UBXN4: variants seen among roughly 807,000 people sequenced by gnomAD.
UBXN4 encodes UBX domain-containing protein 4.
UBXN4 carries 35 observed loss-of-function variants against 66.2 expected under a neutral mutation model. The observed-to-expected ratio is 0.53, with a 90% CI of 0.40 to 0.70. UBXN4 has a LOEUF of 0.70. UBXN4 is among the 30% of genes least tolerant of loss of function. The pLI is 0.00. For missense variants in UBXN4, 533 were observed against 599.8 expected, an observed-to-expected ratio of 0.89 and a Z score of 1.16; for synonymous variants, 203 against 204.5, an observed-to-expected ratio of 0.99 and a Z score of 0.06.
chr2:135,748,361 T>C lies in UBXN4; in HGVS notation c.177T>C (p.Asp59=), dbSNP rs777035158. 2 of 1,585,960 alleles carry C rather than the reference T, an allele frequency of 1.3e-6. No individual in the cohort carries two copies. Among genetic ancestry groups the C allele is most frequent in the South Asian group, 1.2e-5 (1 of 83,830 alleles). ...ACAGTTTTGTTGCTATTAAAATCGA[T>C]ACCAAAAGGTTTGTTTATGTTTTAA... is the stretch of plus-strand genomic sequence containing the variant. ...SSNSFVAIKI[D]TKSEACLQFS... Residue 59 remains aspartate (D), a synonymous_variant, in exon 2 of 13, where the codon GAT becomes GAC. Coordinates refer to ENST00000272638, the MANE Select transcript of UBXN4 (RefSeq NM_014607.4).
chr2:135,767,178 C>T (rs1445961365), intron 6 of UBXN4, among the ~76,000 whole-genome samples: 1 of 152,084 alleles, frequency 6.6e-6, no homozygotes, highest in Non-Finnish European at 1.5e-5. Flanking sequence ...CTTGCCAACA[C>T]AGTGCAACCT....
chr2:135,747,680 G>T (rs1334256147), intron 1 of UBXN4: 1 of 456,220 alleles, frequency 2.2e-6, no homozygotes, highest in Non-Finnish European at 4.4e-6. Context: ...TGTCACCCAG[G>T]CTGGAGTGCA....
At chr2:135,773,613 A>AG (rs750273108) in intron 9 of UBXN4, among the ~76,000 whole-genome samples, 11 of 152,340 alleles carry the variant, frequency 7.2e-5, no homozygotes, top group Middle Eastern at 3.4e-3. Context: ...GACACATAGC[A>AG]GGGTAAGAAG....
chr2:135,779,652 C>CT (rs1410104311), intron 11 of UBXN4, among the ~76,000 whole-genome samples: 4 of 150,580 alleles, frequency 2.7e-5, no homozygotes, highest in African/African-American at 4.9e-5. Context: ...TTGTTTGAAC[C>CT]TTTTTTTTTA....
chr2:135,759,782 T>TC (rs2077304214), intron 5 of UBXN4, among the ~76,000 whole-genome samples: 1 of 146,062 alleles, frequency 6.8e-6, no homozygotes, highest in African/African-American at 2.5e-5. Context: ...TTTTTTTTTT[T>TC]TTTTTTGAGA....
Position 135,743,339 on chromosome 2 carries a change from C to T in UBXN4, c.82+1328C>T, listed in dbSNP as rs79325980. 4.7e-4 allele frequency among the ~76,000 whole-genome samples: 72 copies of T among 152,006 alleles called. 1 individual carries two copies. The East Asian group carries it at 0.013, about 28-fold the overall frequency. On this transcript the variant is annotated intron_variant, in intron 1 of 12. Coordinates refer to ENST00000272638, the MANE Select transcript of UBXN4 (RefSeq NM_014607.4). ...TTTACATAAATTAATTCTGTAATCC[C>T]GTAAGGAAAAAAATGGATTGAAAAT...
chr2:135,762,595 G>GTT (rs1179143780), intron 6 of UBXN4, among the ~76,000 whole-genome samples: 1 of 152,154 alleles, frequency 6.6e-6, no homozygotes, highest in African/African-American at 2.4e-5. Context: ...GGGAAACAGG[G>GTT]TTCAAAGTGA....
chr2:135,778,465 T>C (rs1390700432), intron 10 of UBXN4, among the ~76,000 whole-genome samples: 1 of 152,178 alleles, frequency 6.6e-6, no homozygotes, highest in Non-Finnish European at 1.5e-5. Context: ...GTGTGTATCA[T>C]GTAGGTTGAT....
chr2:135,771,668 T>C (rs994363711), intron 8 of UBXN4, among the ~76,000 whole-genome samples: 1 of 152,190 alleles, frequency 6.6e-6, no homozygotes, highest in Non-Finnish European at 1.5e-5. Flanking sequence ...GTTCAAGCAA[T>C]TCTCCTGTCC....
intron 6 of UBXN4, among the ~76,000 whole-genome samples, chr2:135,768,623 A>G (rs1180513118): frequency 7.0e-6 from 1 of 142,958 alleles, no homozygotes; most frequent in Admixed American, 7.0e-5. Flanking sequence ...GAGTACGGTG[A>G]CATGATCTCG....
intron 6 of UBXN4, among the ~76,000 whole-genome samples, chr2:135,762,956 T>A (rs1011040641): frequency 2.0e-5 from 3 of 152,184 alleles, no homozygotes; most frequent in Non-Finnish European, 2.9e-5. Context: ...AGGTAGCCCT[T>A]TATTTTGAGG....
chr2:135,768,934 T>C (rs982581504), intron 6 of UBXN4, among the ~76,000 whole-genome samples: 1 of 152,044 alleles, frequency 6.6e-6, no homozygotes, highest in East Asian at 1.9e-4. Flanking sequence ...ACTCCAGGGC[T>C]TAGGCTATCC....
chr2:135,748,396 A>C (rs1418702766), intron 2 of UBXN4, 27 bp downstream of exon 2: 1 of 1,454,304 alleles, frequency 6.9e-7, no homozygotes, highest in East Asian at 2.5e-5. Context: ...ATATTTTATT[A>C]ATTTTAAAAT....
chr2:135,774,407 A>G (rs1162215759), intron 9 of UBXN4, among the ~76,000 whole-genome samples: 1 of 152,220 alleles, frequency 6.6e-6, no homozygotes, highest in African/African-American at 2.4e-5. Flanking sequence ...TTCTTAGAGG[A>G]AAAAAGAGGA....
intron 12 of UBXN4, among the ~76,000 whole-genome samples, chr2:135,781,720 G>A (rs1480923752): frequency 6.6e-6 from 1 of 152,242 alleles, no homozygotes; most frequent in Non-Finnish European, 1.5e-5. Flanking sequence ...TGAGCAATGG[G>A]TGGGAGCATT....
Position 135,780,199 on chromosome 2 carries a change from C to T in UBXN4, c.1202C>T (p.Ala401Val). The part of the protein sequence containing the change: ...VVLLPAGRPT[A>V]SIVHSSSGDI... ...AATTTCTAGGCAGGAAGACCAACTG[C>T]ATCCATTGTACACTCTTCCAGCGGA... is the stretch of plus-strand genomic sequence containing the variant. Residue 401 changes from alanine to valine, a missense_variant, in exon 12 of 13, where the codon GCA becomes GTA. Ala to Val is a moderately conservative substitution (Grantham distance 64). Around this residue, in one of 2 missense-constraint regions of UBXN4, gnomAD observed 529 missense variants for 580.1 expected, o/e 0.91. Coordinates refer to ENST00000272638, the MANE Select transcript of UBXN4 (RefSeq NM_014607.4). 1 of 1,614,036 alleles carries T rather than the reference C, an allele frequency of 6.2e-7. No individual in the cohort carries two copies.
rs2077191789 is a variant in UBXN4 at position 135,743,818 on chromosome 2, G to A, written c.82+1807G>A. ...TTTGGAAACTCTAGTACAAATTATT[G>A]GAATAGTTAAATAAAGTTATAGGTC... On this transcript the variant is annotated intron_variant, in intron 1 of 12. Coordinates refer to ENST00000272638, the MANE Select transcript of UBXN4 (RefSeq NM_014607.4). Among the ~76,000 whole-genome samples the A allele has an allele frequency of 1.3e-5, 2 of 151,822 alleles. 1 individual carries two copies. Among genetic ancestry groups the A allele is most frequent in the South Asian group, 4.1e-4 (2 of 4,822 alleles).
chr2:135,770,712 C>T lies in UBXN4; in HGVS notation c.799C>T (p.Arg267Cys), dbSNP rs200340252. 18 of 1,539,562 alleles carry T rather than the reference C, an allele frequency of 1.2e-5. No individual in the cohort carries two copies. The highest frequency in any genetic ancestry group is 3.9e-5 in the South Asian group (3 of 77,600). ...AGCAGAAGATAGGGCAGCTCGAGAA[C>T]GTATAAAACAGCAGATTGCATTGGT... is the stretch of plus-strand genomic sequence containing the variant. ...EKAEDRAARE[R>C]IKQQIALDRA... Residue 267 changes from arginine to cysteine, a missense_variant, in exon 8 of 13, where the codon CGT (arginine) becomes TGT (cysteine). Arg to Cys is a radical substitution (Grantham distance 180). Coordinates refer to ENST00000272638, the MANE Select transcript of UBXN4 (RefSeq NM_014607.4).
chr2:135,750,835 CTTTTTTTTTTTTTTTTTTTTTT>C (rs1166056661), intron 2 of UBXN4, among the ~76,000 whole-genome samples: 28 of 77,458 alleles, frequency 3.6e-4, no homozygotes, highest in Admixed American at 6.3e-4. Context: ...ATGTGTCTGG[CTTTTTTTTTTTTTTTTTTTTTT>C]TTTTTTTTTT....
Sources: gnomAD v4.1 joint callset for allele counts (sites outside exome capture counted in the v4.1 genomes callset) on GRCh38, gnomAD v4.1.1 for gene constraint, gnomAD v4.1.1 regional missense constraint, MANE v1.5 for transcripts, NCBI Gene and HGNC (gene_info 2026-07-23, HGNC 2026-07-21) for gene names.